The following FAF1 variants were observed in gnomAD, a reference collection of about 807,000 sequenced individuals.
The protein encoded by FAF1 is FAS-associated factor 1.
A neutral mutation model predicts 92.5 loss-of-function variants in FAF1; 25 were observed. That is an observed-to-expected ratio of 0.27 (90% CI 0.20 to 0.38). FAF1 has a LOEUF of 0.38. Among genes scored for constraint, FAF1 ranks in the 10% least tolerant of loss-of-function variants. The pLI, the probability that FAF1 is intolerant of heterozygous loss-of-function variation, is 1.00. For missense variants in FAF1, 636 were observed against 793.3 expected (o/e 0.80, Z 2.38); for synonymous variants, 234 against 273.2 (o/e 0.86, Z 1.42).
intron 1 of FAF1, among the ~76,000 whole-genome samples, chr1:50,860,653 G>A (rs1244753483): frequency 1.3e-5 from 2 of 151,712 alleles, no homozygotes; most frequent in Non-Finnish European, 2.9e-5. Flanking sequence ...CACTGTTGGT[G>A]GAAATACAAC....
intron 12 of FAF1, among the ~76,000 whole-genome samples, chr1:50,576,464 T>A (rs1296232583): frequency 1.3e-5 from 2 of 152,212 alleles, no homozygotes; most frequent in African/African-American, 4.8e-5. Flanking sequence ...ATCCTTCACA[T>A]GGGAGATAAG....
intron 7 of FAF1, among the ~76,000 whole-genome samples, chr1:50,695,300 C>T (rs1312472380): frequency 2.0e-5 from 3 of 151,818 alleles, no homozygotes; most frequent in African/African-American, 7.3e-5. Context: ...CCCAGCTACT[C>T]AGGAGGCTGA....
chr1:50,816,094 T>C (rs937055519), intron 2 of FAF1, among the ~76,000 whole-genome samples: 2 of 151,942 alleles, frequency 1.3e-5, no homozygotes, highest in African/African-American at 4.8e-5. Flanking sequence ...CTAGTTTTGA[T>C]TTGCATTTCT....
intron 2 of FAF1, among the ~76,000 whole-genome samples, chr1:50,847,526 T>C (rs182769634): frequency 1.6e-4 from 24 of 150,468 alleles, no homozygotes; most frequent in Non-Finnish European, 2.7e-4. Context: ...GATAGATCTA[T>C]AGAAATTACT....
At chr1:50,845,934 C>T (rs1030393245) in intron 2 of FAF1, among the ~76,000 whole-genome samples, 17 of 151,826 alleles carry the variant, frequency 1.1e-4, no homozygotes, top group Non-Finnish European at 2.2e-4. Context: ...AACAACCTGG[C>T]CAACATGAGG....
intron 1 of FAF1, 179 bp downstream of exon 1, chr1:50,959,588 T>C (rs1046436124): frequency 6.8e-6 from 3 of 440,082 alleles, no homozygotes; most frequent in Non-Finnish European, 8.6e-6. Flanking sequence ...ACACTCATGA[T>C]AGCATATAAA....
chr1:50,677,399 C>T (rs1179455180), intron 7 of FAF1, among the ~76,000 whole-genome samples: 1 of 152,004 alleles, frequency 6.6e-6, no homozygotes, highest in African/African-American at 2.4e-5. Flanking sequence ...AGAACTGATC[C>T]TGGAGAAATT....
At chr1:50,727,633 G>A (rs187943338) in intron 6 of FAF1, among the ~76,000 whole-genome samples, 2 of 152,242 alleles carry the variant, frequency 1.3e-5, no homozygotes, top group East Asian at 1.9e-4. Context: ...GGTTAATATC[G>A]GGTGTCAACT....
intron 6 of FAF1, among the ~76,000 whole-genome samples, chr1:50,730,454 C>A (rs1658869716): frequency 6.6e-6 from 1 of 151,860 alleles, no homozygotes; most frequent in Non-Finnish European, 1.5e-5. Flanking sequence ...TTGTTGCTTG[C>A]CTCTGTCATT....
At chr1:50,825,449 C>CT (rs1351775276) in intron 2 of FAF1, among the ~76,000 whole-genome samples, 1 of 151,710 alleles carries the variant, frequency 6.6e-6, no homozygotes. Flanking sequence ...AGAGGGAGGT[C>CT]TTTTTCATAA....
intron 1 of FAF1, among the ~76,000 whole-genome samples, chr1:50,948,094 C>A (rs983843614): frequency 2.0e-5 from 3 of 152,080 alleles, no homozygotes; most frequent in Non-Finnish European, 2.9e-5. Context: ...AACTATTAAC[C>A]CTAACTGGGT....
chr1:50,619,936 T>A (rs1653113183), intron 8 of FAF1, among the ~76,000 whole-genome samples: 1 of 144,806 alleles, frequency 6.9e-6, no homozygotes, highest in Non-Finnish European at 1.5e-5. Context: ...TGAGACAGAG[T>A]CTTGCTCTGT....
chr1:50,490,167 A>AT (rs1372882488), intron 17 of FAF1, among the ~76,000 whole-genome samples: 1 of 152,030 alleles, frequency 6.6e-6, no homozygotes, highest in Non-Finnish European at 1.5e-5. Flanking sequence ...CGAGACCAGC[A>AT]TGGCCAACAT....
At chr1:50,605,971 G>T (rs1652364207) in intron 8 of FAF1, among the ~76,000 whole-genome samples, 1 of 152,198 alleles carries the variant, frequency 6.6e-6, no homozygotes, top group Non-Finnish European at 1.5e-5. Flanking sequence ...TCTCAGGAAA[G>T]CTGCTTATCT....
At chr1:50,481,772 T>C (rs1294798636) in intron 17 of FAF1, among the ~76,000 whole-genome samples, 2 of 152,006 alleles carry the variant, frequency 1.3e-5, no homozygotes, top group Non-Finnish European at 2.9e-5. Flanking sequence ...GAAAGAGGGT[T>C]CCACATGGAT....
intron 18 of FAF1, among the ~76,000 whole-genome samples, chr1:50,454,057 G>A (rs112482299): frequency 1.0e-3 from 159 of 152,300 alleles, no homozygotes; most frequent in African/African-American, 3.6e-3. Context: ...CCTGCTATGA[G>A]CATCATCACA....
At chr1:50,912,725 C>T (rs1470949164) in intron 1 of FAF1, among the ~76,000 whole-genome samples, 2 of 152,148 alleles carry the variant, frequency 1.3e-5, no homozygotes, top group Non-Finnish European at 2.9e-5. Flanking sequence ...CTTATAAATG[C>T]CAGTGCCACA....
At chr1:50,725,713 C>T (rs528901470) in intron 6 of FAF1, among the ~76,000 whole-genome samples, 2 of 152,256 alleles carry the variant, frequency 1.3e-5, no homozygotes, top group South Asian at 4.1e-4. Context: ...TCCTCCGCCT[C>T]CTAAAGTGCT....
chr1:50,608,618 A>C (rs1652536776), intron 8 of FAF1, among the ~76,000 whole-genome samples: 1 of 152,218 alleles, frequency 6.6e-6, no homozygotes, highest in Non-Finnish European at 1.5e-5. Flanking sequence ...GTAGTGTCTT[A>C]CTGAAGAAGG....
Sources: gnomAD v4.1 joint callset for allele counts (sites outside exome capture counted in the v4.1 genomes callset) on GRCh38, gnomAD v4.1.1 for gene constraint, MANE v1.5 for transcripts, NCBI Gene and HGNC (gene_info 2026-07-23, HGNC 2026-07-21) for gene names.